Variants in NINL observed in about 807,000 individuals in gnomAD.
The protein encoded by NINL is ninein like.
Under a neutral mutation model 160.3 loss-of-function variants are expected in NINL, and 153 were observed. The observed-to-expected ratio is 0.95, with a 90% CI of 0.84 to 1.09. The LOEUF (loss-of-function observed/expected upper bound fraction) is 1.09, where lower values mean the gene tolerates loss of function less well. Among genes scored for constraint, NINL ranks in the 50% least tolerant of loss-of-function variants. The pLI, the probability that NINL is intolerant of heterozygous loss-of-function variation, is 0.00. For missense variants in NINL, 1,829 were observed against 1,764.0 expected (o/e 1.04, Z -0.66); for synonymous variants, 800 against 734.8 (o/e 1.09, Z -1.43).
chr20:25,540,139 C>T (rs142391083), intron 1 of NINL: 18 of 806,338 alleles, frequency 2.2e-5, no homozygotes, highest in African/African-American at 1.2e-4. Context: ...AAAATCTGGC[C>T]AGCATTCAGC....
At chr20:25,489,650 G>A (rs564292126) in intron 12 of NINL, among the ~76,000 whole-genome samples, 130 of 152,234 alleles carry the variant, frequency 8.5e-4, no homozygotes, top group African/African-American at 3.0e-3. Context: ...CCACCACTGA[G>A]GGCTGTCACT....
intron 17 of NINL, among the ~76,000 whole-genome samples, chr20:25,474,294 C>G (rs1314501392): frequency 6.6e-6 from 1 of 152,228 alleles, no homozygotes; most frequent in African/African-American, 2.4e-5. Flanking sequence ...GCCCTGCCAG[C>G]ACCTCATTCC....
At chr20:25,576,009 G>T (rs763451142) in intron 1 of NINL, among the ~76,000 whole-genome samples, 3 of 152,124 alleles carry the variant, frequency 2.0e-5, no homozygotes, top group Non-Finnish European at 2.9e-5. Flanking sequence ...CTAAGCTCAA[G>T]GAGACAGTCA....
intron 13 of NINL, among the ~76,000 whole-genome samples, chr20:25,486,191 T>C (rs116300386): frequency 8.7e-4 from 132 of 152,282 alleles, no homozygotes; most frequent in African/African-American, 3.0e-3. Flanking sequence ...AAGTTTGAAA[T>C]TGTTTTCATA....
intron 1 of NINL, among the ~76,000 whole-genome samples, chr20:25,551,107 C>A (rs2147095809): frequency 6.6e-6 from 1 of 152,336 alleles, no homozygotes; most frequent in Admixed American, 6.5e-5. Flanking sequence ...ATACTGCCTG[C>A]AAACACATTT....
rs73337360 is a variant in NINL at position 25,563,857 on chromosome 20, G to T, written c.-12+21598C>A. On this transcript the variant is annotated intron_variant, in intron 1 of 23. Transcript: ENST00000278886. ...AATCCTAAATGTATACTTGTCCTTA[G>T]TGTCAAGAGATGAAAAAGAGAAGAA... is the stretch of plus-strand genomic sequence containing the variant. Among the ~76,000 whole-genome samples the T allele has an allele frequency of 6.5e-3, 991 of 152,270 alleles. 16 individuals are homozygous for T. The highest frequency in any genetic ancestry group is 0.023 in the African/African-American group (949 of 41,542).
intron 16 of NINL, among the ~76,000 whole-genome samples, 159 bp from the exon 17 acceptor site, chr20:25,477,248 C>G (rs955406122): frequency 6.6e-6 from 1 of 152,216 alleles, no homozygotes; most frequent in African/African-American, 2.4e-5. Context: ...CAACCTATAC[C>G]CTGGGCCCTA....
intron 8 of NINL, chr20:25,499,003 T>A (rs2063814660): frequency 1.0e-6 from 1 of 985,360 alleles, no homozygotes. Flanking sequence ...GTTTGCTTTT[T>A]CCGCCTTGGG....
chr20:25,506,459 A>T (rs752099763), intron 5 of NINL, among the ~76,000 whole-genome samples: 16 of 152,204 alleles, frequency 1.1e-4, no homozygotes, highest in Non-Finnish European at 2.4e-4. Flanking sequence ...TTACGGCTGA[A>T]GTGTTTAGAA....
rs759755510 is a variant in NINL, at chr20:25,458,512, C to T, written c.3714G>A (p.Leu1238=). 3.8e-6 allele frequency: 6 copies of T among 1,598,376 alleles called. No homozygotes were observed. Among genetic ancestry groups the T allele is most frequent in the South Asian group, 1.1e-5 (1 of 90,718 alleles). ...ESQDQVQGAH[L]RLRQAQAQHL... ...GCTGGGCCTGGGCCTGCCTCAGCCT[C>T]AGGTGAGCTCCCTGCACCTGCATGG... Residue 1238 remains leucine, a synonymous_variant, in exon 22 of 24, where the codon CTG becomes CTA. Coordinates refer to ENST00000278886, the MANE Select transcript of NINL (RefSeq NM_025176.6).
chr20:25,562,243 A>T lies in NINL; in HGVS notation c.-12+23212T>A, dbSNP rs13043072. Among the ~76,000 whole-genome samples, 6 of 110,654 alleles carry T rather than the reference A, an allele frequency of 5.4e-5. No individual in the cohort carries two copies. In the East Asian group the frequency reaches 1.4e-3, roughly 26 times the overall value. The allele number at this position is 110,654 out of a possible 152,430, so 72.6% of individuals were successfully genotyped here. A position where few individuals can be genotyped will look rare whatever the true frequency, so the allele number is the denominator to read the frequency against. On this transcript the variant is annotated intron_variant, in intron 1 of 23. Transcript: ENST00000278886. ...GGGGCGCCTCTGCCCGGCCGCCCCT[A>T]CTGGGAAGTGAGGAGCCCCTCTGCC...
chr20:25,513,034 G>C (rs2064102025), intron 3 of NINL, 28 bp from the exon 4 acceptor site: 1 of 1,587,826 alleles, frequency 6.3e-7, no homozygotes. Flanking sequence ...AATTTGGTGG[G>C]GGTCCTTTAT....
At chr20:25,472,363 A>G (rs1177186620) in intron 17 of NINL, among the ~76,000 whole-genome samples, 5 of 81,480 alleles carry the variant, frequency 6.1e-5, no homozygotes, top group Admixed American at 5.7e-4. Context: ...ATATATATAT[A>G]TATACTTTTT....
intron 1 of NINL, among the ~76,000 whole-genome samples, chr20:25,567,037 T>C (rs1251505070): frequency 6.6e-6 from 1 of 152,044 alleles, no homozygotes; most frequent in Admixed American, 6.6e-5. Context: ...TCCCAGGAGT[T>C]TGAGGCTGCA....
intron 1 of NINL, among the ~76,000 whole-genome samples, chr20:25,575,387 C>T (rs1270738097): frequency 6.8e-6 from 1 of 146,018 alleles, no homozygotes; most frequent in Non-Finnish European, 1.5e-5. Context: ...GCGGAGCTTG[C>T]AGTGAGCCGA....
At chr20:25,460,330 G>T (rs937924542) in intron 21 of NINL, among the ~76,000 whole-genome samples, 1 of 152,190 alleles carries the variant, frequency 6.6e-6, no homozygotes, top group Admixed American at 6.5e-5. Context: ...CTTTGGGGGA[G>T]CGTCTTCCTC....
At position 25,490,298 on chromosome 20, in the gene NINL, C is replaced by T. The variant is rs1468333254; in HGVS notation, c.1486-313G>A. 2.6e-5 allele frequency among the ~76,000 whole-genome samples: 4 copies of T among 152,156 alleles called. No individual in the cohort carries two copies. In the East Asian group the frequency reaches 5.8e-4, roughly 22 times the overall value. Reference sequence around the variant, plus strand: ...GTGGAGAGCCGGGCACGGTGGCTCACGCCTGTAATCCCAGCACTTTGGGAG... The same window carrying T: ...GTGGAGAGCCGGGCACGGTGGCTCATGCCTGTAATCCCAGCACTTTGGGAG... On this transcript the variant is annotated intron_variant, in intron 11 of 23. Transcript: ENST00000278886.
At chr20:25,474,744 A>C (rs1339885372) in intron 17 of NINL, among the ~76,000 whole-genome samples, 1 of 151,280 alleles carries the variant, frequency 6.6e-6, no homozygotes, top group Non-Finnish European at 1.5e-5. Context: ...CCTCCCAAGT[A>C]GCTGGGACTA....
At chr20:25,556,994 G>A (rs1030344995) in intron 1 of NINL, among the ~76,000 whole-genome samples, 2 of 152,186 alleles carry the variant, frequency 1.3e-5, no homozygotes, top group African/African-American at 4.8e-5. Context: ...ACTCCCAGCT[G>A]GAAGGAAATG....
Sources: allele counts gnomAD v4.1 joint callset (sites outside exome capture counted in the v4.1 genomes callset), GRCh38; gene constraint gnomAD v4.1.1; transcripts MANE v1.5; gene names NCBI Gene and HGNC (gene_info 2026-07-23, HGNC 2026-07-21).